TMEM233: variants seen among roughly 807,000 people sequenced by gnomAD.
TMEM233 encodes dispanin subfamily B member 2.
Under a neutral mutation model 11.2 loss-of-function variants are expected in TMEM233, and 6 were observed. The observed-to-expected ratio is 0.54, with a 90% CI of 0.29 to 1.06. The LOEUF (loss-of-function observed/expected upper bound fraction) is 1.06. Ranked by LOEUF, TMEM233 falls within the 50% of genes least tolerant of loss-of-function variation. The pLI is 0.08. For synonymous variants in TMEM233, 59 were observed against 55.8 expected (o/e 1.06, Z -0.26); for missense variants, 127 against 144.7 (o/e 0.88, Z 0.63).
At chr12:119,647,905 G>A (rs897074949), downstream of TMEM233, among the ~76,000 whole-genome samples, 1 of 150,158 alleles carries the variant, frequency 6.7e-6, no homozygotes, top group Non-Finnish European at 1.5e-5. Flanking sequence ...ATGATACCCC[G>A]CAAAGCCCTA....
chr12:119,617,576 C>G (rs913119624), intron 1 of TMEM233, among the ~76,000 whole-genome samples: 1 of 152,098 alleles, frequency 6.6e-6, no homozygotes, highest in African/African-American at 2.4e-5. Flanking sequence ...GCTCATGCCT[C>G]TAATCCCAGC....
intron 1 of TMEM233, among the ~76,000 whole-genome samples, chr12:119,625,384 C>G (rs533293328): frequency 1.3e-5 from 1 of 77,654 alleles, no homozygotes; most frequent in East Asian, 3.0e-4. Context: ...TTTTTTTTTC[C>G]TTTGATACAA....
intron 1 of TMEM233, among the ~76,000 whole-genome samples, chr12:119,613,293 A>G (rs1471501599): frequency 1.3e-5 from 2 of 151,860 alleles, no homozygotes; most frequent in African/African-American, 4.8e-5. Flanking sequence ...TTAGAAATAT[A>G]TATTAAGGGA....
chr12:119,629,606 C>A, intron 1 of TMEM233, 130 bp from the exon 2 acceptor site: 4 of 881,800 alleles, frequency 4.5e-6, no homozygotes, highest in Non-Finnish European at 6.7e-6. Context: ...GTTTGCTTAG[C>A]AGGCTGTCAG....
intron 1 of TMEM233, among the ~76,000 whole-genome samples, chr12:119,598,100 A>G (rs1298196649): frequency 6.6e-6 from 1 of 152,168 alleles, no homozygotes; most frequent in Non-Finnish European, 1.5e-5. Context: ...AAGAATATTT[A>G]TTTGTTATTC....
intron 1 of TMEM233, among the ~76,000 whole-genome samples, chr12:119,626,575 A>AGAAGG (rs1954771194): frequency 1.4e-5 from 2 of 147,660 alleles, no homozygotes; most frequent in African/African-American, 5.3e-5. Flanking sequence ...AGAAGAGAAG[A>AGAAGG]GAAGAGAAGA....
At chr12:119,611,547 T>G (rs1181032424) in intron 1 of TMEM233, among the ~76,000 whole-genome samples, 2 of 150,790 alleles carry the variant, frequency 1.3e-5, no homozygotes, top group Non-Finnish European at 3.0e-5. Context: ...GTTTAAGATA[T>G]ATATATATAT....
At chr12:119,615,173 T>TAAAAAAAAAAAAAAAA (rs60318959) in intron 1 of TMEM233, among the ~76,000 whole-genome samples, 7 of 56,198 alleles carry the variant, frequency 1.2e-4, no homozygotes, top group African/African-American at 2.9e-4. Context: ...CGCTTTCTGC[T>TAAAAAAAAAAAAAAAA]AAAAAAAAAA....
chr12:119,648,752 G>GAATT, the TMEM233 span, among the ~76,000 whole-genome samples: 16 of 152,046 alleles, frequency 1.1e-4, no homozygotes, highest in East Asian at 1.5e-3. Flanking sequence ...ATGAATGAAT[G>GAATT]AATTAATTAA....
chr12:119,636,101 G>C (rs754722930), intron 2 of TMEM233, among the ~76,000 whole-genome samples: 1 of 152,034 alleles, frequency 6.6e-6, no homozygotes, highest in Non-Finnish European at 1.5e-5. Flanking sequence ...TGGAGTCCAG[G>C]GGGTGGGACT....
intron 2 of TMEM233, among the ~76,000 whole-genome samples, chr12:119,639,608 C>A (rs145978029): frequency 6.6e-6 from 1 of 151,206 alleles, no homozygotes; most frequent in African/African-American, 2.4e-5. Flanking sequence ...GGCAACAGAG[C>A]GAGACTCCAT....
intron 2 of TMEM233, among the ~76,000 whole-genome samples, chr12:119,634,649 G>T (rs940668081): frequency 6.6e-6 from 1 of 152,036 alleles, no homozygotes; most frequent in Non-Finnish European, 1.5e-5. Context: ...CCTGTCTGAA[G>T]TAAATTACTG....
At chr12:119,610,672 G>T (rs971201153) in intron 1 of TMEM233, among the ~76,000 whole-genome samples, 2 of 152,154 alleles carry the variant, frequency 1.3e-5, no homozygotes, top group African/African-American at 4.8e-5. Context: ...CTCTCCTGCT[G>T]TCCTGTAAAG....
At position 119,640,556 on chromosome 12, in the gene TMEM233, A is replaced by T. The variant is rs1216238184; in HGVS notation, c.324-143A>T. On this transcript the variant is annotated intron_variant, in intron 2 of 2. Transcript: ENST00000426426. The stretch of plus-strand genomic sequence containing the variant: ...AAGGAAGCCCCTGCTTAGAGTCAAA[A>T]GTGTGCACGCAGGCTGGTACATTTC... 39 of 846,604 alleles carry T rather than the reference A, an allele frequency of 4.6e-5. No individual in the cohort carries two copies. In the East Asian group the frequency reaches 9.6e-4, roughly 21 times the overall value. The allele number at this position is 846,604 out of a possible 1,614,324, so 52.4% of individuals were successfully genotyped here. A position where few individuals can be genotyped will look rare whatever the true frequency, so the allele number is the denominator to read the frequency against.
chr12:119,651,994 T>C, the TMEM233 span, among the ~76,000 whole-genome samples: 4 of 152,146 alleles, frequency 2.6e-5, no homozygotes, highest in African/African-American at 9.7e-5. Flanking sequence ...AGGAAACCAA[T>C]GGCATACAAC....
Position 119,594,053 on chromosome 12 carries a change from G to C in TMEM233, c.186+19G>C. ...CATCATGGTGAGTGAATCACGGCCAGAGGCAGCCTGGGAGGAGAGACCCGG... is the reference window on the plus strand; with the variant it reads ...CATCATGGTGAGTGAATCACGGCCACAGGCAGCCTGGGAGGAGAGACCCGG... On this transcript the variant is annotated intron_variant, in intron 1 of 2. Coordinates refer to ENST00000426426, the MANE Select transcript of TMEM233 (RefSeq NM_001136534.3). This position sits in a 1 kb window ranked among gnomAD's most constrained non-coding sequence, Gnocchi z 5.6. 3.9e-6 allele frequency: 6 copies of C among 1,550,558 alleles called. No homozygotes were observed. Among genetic ancestry groups the C allele is most frequent in the Non-Finnish European group, 5.2e-6 (6 of 1,146,242 alleles).
intron 1 of TMEM233, among the ~76,000 whole-genome samples, chr12:119,626,260 C>T (rs1352763870): frequency 6.6e-6 from 1 of 151,942 alleles, no homozygotes; most frequent in Admixed American, 6.6e-5. Context: ...TTGCTTGAGG[C>T]TGGAAGTTCG....
At chr12:119,632,856 T>A (rs1361961069) in intron 2 of TMEM233, among the ~76,000 whole-genome samples, 2 of 152,202 alleles carry the variant, frequency 1.3e-5, no homozygotes, top group African/African-American at 4.8e-5. Flanking sequence ...CTAGACACTA[T>A]CTACTTTGCA....
intron 1 of TMEM233, among the ~76,000 whole-genome samples, chr12:119,615,275 A>G (rs1954503182): frequency 6.7e-6 from 1 of 148,214 alleles, no homozygotes; most frequent in Non-Finnish European, 1.5e-5. Context: ...TTGCATGTTT[A>G]CTTATTTTTT....
Sources: allele counts gnomAD v4.1 joint callset (sites outside exome capture counted in the v4.1 genomes callset), GRCh38; gene constraint gnomAD v4.1.1; non-coding constraint Gnocchi (gnomAD v3.1); transcripts MANE v1.5; gene names NCBI Gene and HGNC (gene_info 2026-07-23, HGNC 2026-07-21).